Variants in RBBP9 observed in about 807,000 individuals in gnomAD.
The protein encoded by RBBP9 is RB binding protein 9, serine hydrolase.
A neutral mutation model predicts 24.2 loss-of-function variants in RBBP9; 20 were observed. That is an observed-to-expected ratio of 0.83 (90% CI 0.58 to 1.20). The LOEUF (loss-of-function observed/expected upper bound fraction) is 1.20, where lower values mean the gene tolerates loss of function less well. RBBP9 is among the 50% of genes most tolerant of loss of function. RBBP9 has a pLI of 0.00. For missense variants in RBBP9, 234 were observed against 233.6 expected, an observed-to-expected ratio of 1.00 and a Z score of -0.01; for synonymous variants, 74 against 84.6, an observed-to-expected ratio of 0.87 and a Z score of 0.69.
chr20:18,492,596 G>C (rs768104185), intron 3 of RBBP9, among the ~76,000 whole-genome samples: 5 of 152,172 alleles, frequency 3.3e-5, no homozygotes, highest in Non-Finnish European at 4.4e-5. Flanking sequence ...TTTGCTTAAA[G>C]TGATATCCAC....
Position 18,489,686 on chromosome 20 carries a change from T to C in RBBP9, c.*78A>G, listed in dbSNP as rs1037827217. Reference sequence around the variant, plus strand: ...ACTTACGGAACTTAACTGGATGTTCTATGTGTCTAGTAATCAGCTGATAGT... The same window carrying C: ...ACTTACGGAACTTAACTGGATGTTCCATGTGTCTAGTAATCAGCTGATAGT... On this transcript the variant is annotated 3_prime_UTR_variant, in exon 5 of 5. Transcript: ENST00000337227. 3.3e-5 allele frequency: 31 copies of C among 940,576 alleles called. No individual in the cohort carries two copies. The highest frequency in any genetic ancestry group is 4.7e-5 in the Non-Finnish European group (29 of 611,666). The allele number at this position is 940,576 out of a possible 1,614,324, so 58.3% of individuals were successfully genotyped here. A position where few individuals can be genotyped will look rare whatever the true frequency, so the allele number is the denominator to read the frequency against.
Position 18,497,137 on chromosome 20 carries a change from G to T in RBBP9, c.31C>A (p.Pro11Thr). 6.2e-7 allele frequency: 1 copy of T among 1,614,184 alleles called. No individual in the cohort carries two copies. The highest frequency in any genetic ancestry group is 8.5e-7 in the Non-Finnish European group (1 of 1,180,006). Reference protein sequence around the residue: MASPSKAVIVPGNGGGDVTTH... With the variant: MASPSKAVIVTGNGGGDVTTH... ...GTCACATCCCCGCCTCCGTTCCCGG[G>T]AACAATCACTGCCTTGCTAGGAGAA... is the stretch of plus-strand genomic sequence containing the variant. Residue 11 changes from proline to threonine, a missense_variant, in exon 1 of 5, where the codon CCC becomes ACC. Pro to Thr is a conservative substitution (Grantham distance 38). Coordinates refer to ENST00000337227, the MANE Select transcript of RBBP9 (RefSeq NM_006606.3).
Position 18,490,266 on chromosome 20 carries a change from T to C in RBBP9, c.334+129A>G, listed in dbSNP as rs2277863. ...GTGCAAACTTATATCCAAAGATAGG[T>C]GGTATATCTTTCTCATATGCTATTA... On this transcript the variant is annotated intron_variant, in intron 4 of 4. Transcript: ENST00000337227. 139 of 719,600 alleles carry C rather than the reference T, an allele frequency of 1.9e-4. No individual in the cohort carries two copies. The East Asian group carries it at 3.5e-3, about 18-fold the overall frequency. The allele number at this position is 719,600 out of a possible 1,614,324, so 44.6% of individuals were successfully genotyped here.
chr20:18,492,979 A>G (rs1216742596), intron 3 of RBBP9, among the ~76,000 whole-genome samples: 1 of 152,114 alleles, frequency 6.6e-6, no homozygotes, highest in Non-Finnish European at 1.5e-5. Context: ...ATCCTGAAAT[A>G]CTCTTGTAAC....
At chr20:18,493,267 G>A (rs1033599873) in intron 3 of RBBP9, among the ~76,000 whole-genome samples, 4 of 152,098 alleles carry the variant, frequency 2.6e-5, no homozygotes, top group Admixed American at 6.6e-5. Flanking sequence ...CTGGGGATTC[G>A]CAGGTGAGTA....
At chr20:18,492,072 G>C (rs547469218) in intron 3 of RBBP9, among the ~76,000 whole-genome samples, 1 of 139,156 alleles carries the variant, frequency 7.2e-6, no homozygotes, top group South Asian at 2.3e-4. Flanking sequence ...ACTCCAGCCC[G>C]GGCAACAGAG....
chr20:18,490,379 C>T lies in RBBP9; in HGVS notation c.334+16G>A, dbSNP rs763762241. ...CTAGAGAAGGGCTTTGCTCAGATTTCTACCTTTGGACTTACCACTTGCACG... is the reference window on the plus strand; with the variant it reads ...CTAGAGAAGGGCTTTGCTCAGATTTTTACCTTTGGACTTACCACTTGCACG... On this transcript the variant is annotated intron_variant, in intron 4 of 4. Coordinates refer to ENST00000337227, the MANE Select transcript of RBBP9 (RefSeq NM_006606.3). 1.1e-5 allele frequency: 17 copies of T among 1,602,146 alleles called. No homozygotes were observed. In the East Asian group the frequency reaches 3.1e-4, roughly 29 times the overall value.
At chr20:18,496,393 G>T (rs778770603) in intron 1 of RBBP9, among the ~76,000 whole-genome samples, 4 of 152,188 alleles carry the variant, frequency 2.6e-5, no homozygotes, top group Non-Finnish European at 4.4e-5. Context: ...GGTTACAGAA[G>T]AGGGTTAAAA....
rs200500200 is a variant in RBBP9 at position 18,491,502 on chromosome 20, A to AATG, written c.249-1025_249-1023dup. 2.5e-3 allele frequency among the ~76,000 whole-genome samples: 386 copies of AATG among 152,304 alleles called. 6 individuals are homozygous for AATG. Among genetic ancestry groups the AATG allele is most frequent in the Admixed American group, 0.021 (320 of 15,294 alleles). On this transcript the variant is annotated intron_variant, in intron 3 of 4. Coordinates refer to ENST00000337227, the MANE Select transcript of RBBP9 (RefSeq NM_006606.3). ...AAGAAATAAACAGGATGTCAGATGCAATGCATAATCCTTGACTAGATCTAG... is the reference window on the plus strand; with the variant it reads ...AAGAAATAAACAGGATGTCAGATGCAATGATGCATAATCCTTGACTAGATCTAG...
intron 2 of RBBP9, among the ~76,000 whole-genome samples, chr20:18,495,607 AT>A (rs1420148757): frequency 6.7e-6 from 1 of 149,390 alleles, no homozygotes; most frequent in Non-Finnish European, 1.5e-5. Flanking sequence ...AAATAAATAA[AT>A]AAATAAATAA....
intron 2 of RBBP9, 107 bp downstream of exon 2, chr20:18,495,731 T>C (rs2059884243): frequency 2.9e-6 from 3 of 1,048,890 alleles, no homozygotes; most frequent in African/African-American, 1.6e-5. Flanking sequence ...CTTAGGTATA[T>C]AGGCATCTTT....
chr20:18,490,122 T>C (rs1404441601), intron 4 of RBBP9, 132 bp from the exon 5 acceptor site: 15 of 689,834 alleles, frequency 2.2e-5, no homozygotes. Context: ...AGCACTTCTT[T>C]TGTTTTCAAA....
At chr20:18,494,282 CTTTTT>C (rs34967358) in intron 2 of RBBP9, among the ~76,000 whole-genome samples, 42 of 122,090 alleles carry the variant, frequency 3.4e-4, no homozygotes, top group African/African-American at 9.7e-4. Context: ...TTTCTTTTCT[CTTTTT>C]TTTTTTTTTT....
chr20:18,491,264 C>T (rs2059864384), intron 3 of RBBP9, among the ~76,000 whole-genome samples: 1 of 152,192 alleles, frequency 6.6e-6, no homozygotes, highest in Non-Finnish European at 1.5e-5. Flanking sequence ...TTTGTTACCA[C>T]ACACTCCACA....
At chr20:18,493,839 C>A in intron 3 of RBBP9, 119 bp downstream of exon 3, 2 of 742,246 alleles carry the variant, frequency 2.7e-6, no homozygotes, top group Non-Finnish European at 4.2e-6. Context: ...GATTATGTTA[C>A]CACTTTAGAG....
intron 2 of RBBP9, 61 bp from the exon 3 acceptor site, chr20:18,494,124 T>C: frequency 7.5e-7 from 1 of 1,325,222 alleles, no homozygotes; most frequent in Non-Finnish European, 1.1e-6. Flanking sequence ...AATCCAACGC[T>C]GCCCCACCTT....
chr20:18,489,314 C>T lies in RBBP9; in HGVS notation c.*450G>A, dbSNP rs1486861657. 2 of 153,110 alleles carry T rather than the reference C, an allele frequency of 1.3e-5. No individual in the cohort carries two copies. Among genetic ancestry groups the T allele is most frequent in the Non-Finnish European group, 2.9e-5 (2 of 68,640 alleles). The allele number at this position is 153,110 out of a possible 1,614,324, so 9.5% of individuals were successfully genotyped here. ...TTTAATGTCTGGGGCCAGCTTGAAACAGCAGCTAGTATTTTGAGCTCTAAG... is the reference window on the plus strand; with the variant it reads ...TTTAATGTCTGGGGCCAGCTTGAAATAGCAGCTAGTATTTTGAGCTCTAAG... On this transcript the variant is annotated 3_prime_UTR_variant, in exon 5 of 5. Transcript: ENST00000337227.
At chr20:18,494,251 CCA>C (rs1391118659) in intron 2 of RBBP9, among the ~76,000 whole-genome samples, 188 bp from the exon 3 acceptor site, 17 of 150,072 alleles carry the variant, frequency 1.1e-4, no homozygotes, top group African/African-American at 3.9e-4. Flanking sequence ...AGATCCAAGT[CCA>C]CAGTTTTGGT....
chr20:18,488,252 G>A lies in RBBP9; in HGVS notation c.*1512C>T, dbSNP rs982785860. On this transcript the variant is annotated 3_prime_UTR_variant, in exon 5 of 5. Coordinates refer to ENST00000337227, the MANE Select transcript of RBBP9 (RefSeq NM_006606.3). ...AATGTTGGGAAATGAAAAAGGGTGG[G>A]TTTTTTTAATTAAAAAAAAATTTTT... 1 of 151,656 alleles carries A rather than the reference G, an allele frequency of 6.6e-6. No individual in the cohort carries two copies. Among genetic ancestry groups the A allele is most frequent in the Non-Finnish European group, 1.5e-5 (1 of 67,962 alleles). 9.4% of individuals were successfully genotyped at this position (151,656 alleles called of 1,614,324 possible).
Sources: allele counts gnomAD v4.1 joint callset (sites outside exome capture counted in the v4.1 genomes callset), GRCh38; gene constraint gnomAD v4.1.1; transcripts MANE v1.5; gene names NCBI Gene and HGNC (gene_info 2026-07-23, HGNC 2026-07-21).